HIVEP3: variants seen among roughly 807,000 people sequenced by gnomAD.
HIVEP3 encodes transcription factor HIVEP3.
Under a neutral mutation model 152.8 loss-of-function variants are expected in HIVEP3, and 49 were observed. The observed-to-expected ratio is 0.32, with a 90% CI of 0.26 to 0.41. The LOEUF is 0.41. HIVEP3 is among the 10% of genes least tolerant of loss of function. The pLI is 1.00. For missense variants in HIVEP3, 2,790 were observed against 3,103.3 expected, an observed-to-expected ratio of 0.90 and a Z score of 2.40; for synonymous variants, 1,269 against 1,289.0, an observed-to-expected ratio of 0.98 and a Z score of 0.33.
intron 1 of HIVEP3, among the ~76,000 whole-genome samples, chr1:41,892,522 A>G (rs1570752690): frequency 6.6e-6 from 1 of 151,932 alleles, no homozygotes; most frequent in South Asian, 2.1e-4. Flanking sequence ...GGAAGAGAAG[A>G]AAAAAAGACC....
intron 1 of HIVEP3, among the ~76,000 whole-genome samples, chr1:41,881,375 GT>G (rs1644258531): frequency 6.6e-6 from 1 of 152,134 alleles, no homozygotes; most frequent in Admixed American, 6.5e-5. Flanking sequence ...CATAATTTGG[GT>G]CATAACATGA....
chr1:41,690,833 G>C (rs376103476), intron 2 of HIVEP3, among the ~76,000 whole-genome samples: 1 of 152,150 alleles, frequency 6.6e-6, no homozygotes, highest in Non-Finnish European at 1.5e-5. Flanking sequence ...CAGGAGAATC[G>C]CTTGAACCCA....
intron 5 of HIVEP3, among the ~76,000 whole-genome samples, chr1:41,565,797 G>A (rs1247198741): frequency 6.6e-6 from 1 of 151,862 alleles, no homozygotes; most frequent in Non-Finnish European, 1.5e-5. Context: ...GGAACCTAAG[G>A]CTGTACCCGC....
At chr1:41,694,256 C>G (rs1050442274) in intron 2 of HIVEP3, among the ~76,000 whole-genome samples, 10 of 152,262 alleles carry the variant, frequency 6.6e-5, no homozygotes, top group African/African-American at 2.4e-4. Context: ...CTTTTCTACT[C>G]AGCCCTGCAA....
chr1:41,744,039 AT>A (rs1401419367), intron 1 of HIVEP3, among the ~76,000 whole-genome samples: 1 of 147,226 alleles, frequency 6.8e-6, no homozygotes, highest in African/African-American at 2.6e-5. Context: ...GCCAGCCAGC[AT>A]TTTTTTGTTT....
At chr1:41,796,886 T>C (rs1407063113) in intron 1 of HIVEP3, among the ~76,000 whole-genome samples, 5 of 152,210 alleles carry the variant, frequency 3.3e-5, no homozygotes, top group African/African-American at 4.8e-5. Context: ...AAGCTTCAAG[T>C]TCCTGCCATA....
At chr1:41,912,385 C>T (rs1644810629) in intron 1 of HIVEP3, among the ~76,000 whole-genome samples, 2 of 152,194 alleles carry the variant, frequency 1.3e-5, no homozygotes, top group South Asian at 4.1e-4. Context: ...GGTCACAACA[C>T]AAATTTAATA....
At chr1:41,652,313 T>G (rs1645563393) in intron 2 of HIVEP3, among the ~76,000 whole-genome samples, 1 of 152,222 alleles carries the variant, frequency 6.6e-6, no homozygotes, top group African/African-American at 2.4e-5. Context: ...ATCCTTTGCT[T>G]CATTTGCAAA....
rs529689867 is a variant in HIVEP3 at position 41,918,874 on chromosome 1, C to A, written c.-1262G>T. ...TCTAATCAGCAGCTGTTTTCTGAAT[C>A]CAGAGCCAACCCATGCCTCGCTTGT... On this transcript the variant is annotated 5_prime_UTR_variant, in exon 1 of 9. Transcript: ENST00000372583. This position sits in a 1 kb window ranked among gnomAD's most constrained non-coding sequence, Gnocchi z 4.3. Among the ~76,000 whole-genome samples the A allele has an allele frequency of 5.3e-5, 8 of 152,208 alleles. No homozygotes were observed. The highest frequency in any genetic ancestry group is 1.9e-4 in the African/African-American group (8 of 41,448).
intron 1 of HIVEP3, among the ~76,000 whole-genome samples, chr1:41,842,117 T>G (rs1643306604): frequency 6.6e-6 from 1 of 152,036 alleles, no homozygotes; most frequent in African/African-American, 2.4e-5. Flanking sequence ...TGTTAATGAT[T>G]ATGATGAATA....
intron 5 of HIVEP3, among the ~76,000 whole-genome samples, chr1:41,527,402 C>T (rs1479979160): frequency 2.7e-5 from 4 of 146,342 alleles, no homozygotes; most frequent in African/African-American, 5.1e-5. Flanking sequence ...ACTCCACACC[C>T]TGCCCTCACA....
rs145946157 is a variant in HIVEP3, at chr1:41,749,537, C to T, written c.-800-48542G>A. On this transcript the variant is annotated intron_variant, in intron 1 of 8. Transcript: ENST00000372583. ...TAGTTTCACTGAGGCTCCTTCATTC[C>T]TAAGAAAATTTAGAAATGCTATGAC... is the stretch of plus-strand genomic sequence containing the variant. 1.3e-4 allele frequency among the ~76,000 whole-genome samples: 20 copies of T among 152,124 alleles called. No individual in the cohort carries two copies. In the East Asian group the frequency reaches 2.5e-3, roughly 19 times the overall value.
At chr1:41,627,763 G>C (rs1645137868) in intron 3 of HIVEP3, among the ~76,000 whole-genome samples, 1 of 152,120 alleles carries the variant, frequency 6.6e-6, no homozygotes, top group Admixed American at 6.5e-5. Flanking sequence ...CCAGAAGGAG[G>C]CCCTGGAGTC....
chr1:41,937,207 G>GC (rs1042841571), intron 1 of HIVEP3, among the ~76,000 whole-genome samples: 2 of 152,042 alleles, frequency 1.3e-5, no homozygotes, highest in Non-Finnish European at 2.9e-5. Flanking sequence ...ATACTGGGTG[G>GC]CCAAAAATAA....
intron 1 of HIVEP3, among the ~76,000 whole-genome samples, chr1:41,954,803 T>A (rs1197289305): frequency 6.6e-6 from 1 of 152,226 alleles, no homozygotes; most frequent in African/African-American, 2.4e-5. Context: ...TCTCCTCATT[T>A]GTGAAATAGG....
Position 41,571,300 on chromosome 1 carries a change from A to T in HIVEP3, c.5207+4244T>A, listed in dbSNP as rs138556378. Among the ~76,000 whole-genome samples the T allele has an allele frequency of 5.6e-4, 86 of 152,354 alleles. 1 individual carries two copies. The highest frequency in any genetic ancestry group is 1.9e-3 in the African/African-American group (78 of 41,588). ...CCTTGCAATAAGTGAACTTGAGTTAAGACAATATAGTCATTACTCTCAAGG... is the reference window on the plus strand; with the variant it reads ...CCTTGCAATAAGTGAACTTGAGTTATGACAATATAGTCATTACTCTCAAGG... On this transcript the variant is annotated intron_variant, in intron 5 of 8. Transcript: ENST00000372583.
At chr1:41,713,132 G>C (rs773707895) in intron 1 of HIVEP3, among the ~76,000 whole-genome samples, 2 of 152,176 alleles carry the variant, frequency 1.3e-5, no homozygotes, top group Admixed American at 6.5e-5. Flanking sequence ...GCCCCCAGGA[G>C]CCTATGGCCT....
At position 41,513,408 on chromosome 1, in the gene HIVEP3, C is replaced by T; in HGVS notation, c.5813G>A (p.Gly1938Asp). ...SCSMSSQSMPGLPWLGPAPLG... is the reference protein window; with the variant it reads ...SCSMSSQSMPDLPWLGPAPLG... ...AGGGGCCGGTCCCAGCCAGGGGAGGCCCGGCATGCTCTGGCTGGACATGGA... is the reference window on the plus strand; with the variant it reads ...AGGGGCCGGTCCCAGCCAGGGGAGGTCCGGCATGCTCTGGCTGGACATGGA... The change falls in exon 8 of 9, where the codon GGC becomes GAC. Residue 1938 changes from glycine to aspartate, a missense_variant. Physicochemically the swap from Gly to Asp is moderately conservative, Grantham distance 94. Transcript: ENST00000372583. The T allele has an allele frequency of 1.9e-6, 3 of 1,612,020 alleles. No individual in the cohort carries two copies. Among genetic ancestry groups the T allele is most frequent in the African/African-American group, 1.3e-5 (1 of 75,044 alleles).
intron 1 of HIVEP3, among the ~76,000 whole-genome samples, chr1:41,731,220 T>C (rs754893745): frequency 6.6e-6 from 1 of 151,868 alleles, no homozygotes; most frequent in African/African-American, 2.4e-5. Context: ...GAGACAGAGG[T>C]GCTGGGTTCT....
Sources: allele counts gnomAD v4.1 joint callset (sites outside exome capture counted in the v4.1 genomes callset), GRCh38; gene constraint gnomAD v4.1.1; non-coding constraint Gnocchi (gnomAD v3.1); transcripts MANE v1.5; gene names NCBI Gene and HGNC (gene_info 2026-07-23, HGNC 2026-07-21).